CELF2: variants seen among roughly 807,000 people sequenced by gnomAD.
CELF2 encodes the protein CUGBP Elav-like family member 2.
A neutral mutation model predicts 62.6 loss-of-function variants in CELF2; 8 were observed. The observed-to-expected ratio is 0.13, with a 90% CI of 0.07 to 0.23. The LOEUF (loss-of-function observed/expected upper bound fraction) is 0.23. Among genes scored for constraint, CELF2 ranks in the 10% least tolerant of loss-of-function variants. CELF2 has a pLI of 1.00. For missense variants in CELF2, 333 were observed against 671.0 expected (o/e 0.50, Z 5.56); for synonymous variants, 258 against 250.0 (o/e 1.03, Z -0.30).
chr10:10,956,896 A>G (rs2048964785), intron 2 of CELF2, among the ~76,000 whole-genome samples: 1 of 151,940 alleles, frequency 6.6e-6, no homozygotes, highest in Admixed American at 6.6e-5. Flanking sequence ...ATTGCACCAC[A>G]GCACTCCAGC....
Position 11,209,175 on chromosome 10 carries a change from C to T in CELF2, c.272-8250C>T, listed in dbSNP as rs1208471043. ...TTCAGCATCAAACACAGGGGAGCCA[C>T]GATAATAAAATTACAGGCAGGAATA... On this transcript the variant is annotated intron_variant, in intron 2 of 12. Coordinates refer to ENST00000633077, the MANE Select transcript of CELF2 (RefSeq NM_001326342.2). Among the ~76,000 whole-genome samples, 8 of 152,006 alleles carry T rather than the reference C, an allele frequency of 5.3e-5. No individual in the cohort carries two copies. In the South Asian group the frequency reaches 6.2e-4, roughly 12 times the overall value.
chr10:11,028,718 CT>C (rs71378776), intron 1 of CELF2, among the ~76,000 whole-genome samples: 8,608 of 124,936 alleles, frequency 0.069, 275 homozygotes, highest in Middle Eastern at 0.15. Flanking sequence ...CGCACCCAGC[CT>C]TTTTTTTTTT....
intron 1 of CELF2, among the ~76,000 whole-genome samples, chr10:10,818,050 C>T (rs1045365569): frequency 3.0e-4 from 45 of 152,246 alleles, no homozygotes; most frequent in African/African-American, 1.1e-3. Context: ...CTGATGTTGC[C>T]GCTAATATCA....
Position 11,039,174 on chromosome 10 carries a change from C to T in CELF2, c.74+21011C>T, listed in dbSNP as rs1291158574. On this transcript the variant is annotated intron_variant, in intron 1 of 12. Coordinates refer to ENST00000633077, the MANE Select transcript of CELF2 (RefSeq NM_001326342.2). This position sits in a 1 kb window ranked among gnomAD's most constrained non-coding sequence, Gnocchi z 4.1. ...GCGTGGAGGACACTGAGAGCAGAAA[C>T]CGTGATGCAGTGAGCCTTCTGCCCA... Among the ~76,000 whole-genome samples, 1 of 152,192 alleles carries T rather than the reference C, an allele frequency of 6.6e-6. No individual in the cohort carries two copies. Among genetic ancestry groups the T allele is most frequent in the Non-Finnish European group, 1.5e-5 (1 of 68,042 alleles).
rs1406869729 is a variant in CELF2 at position 11,309,800 on chromosome 10, C to T, written c.977-4339C>T. Among the ~76,000 whole-genome samples, 3 of 152,214 alleles carry T rather than the reference C, an allele frequency of 2.0e-5. No individual in the cohort carries two copies. The highest frequency in any genetic ancestry group is 7.2e-5 in the African/African-American group (3 of 41,452). On this transcript the variant is annotated intron_variant, in intron 9 of 12. Coordinates refer to ENST00000633077, the MANE Select transcript of CELF2 (RefSeq NM_001326342.2). The surrounding 1 kb of genome is among the most constrained non-coding windows in gnomAD (Gnocchi z 5.6). ...GAGCTACTGCCTACTCTTAATTGCTCACCAACAAAATTTATCTTGTTTCTG... is the reference window on the plus strand; with the variant it reads ...GAGCTACTGCCTACTCTTAATTGCTTACCAACAAAATTTATCTTGTTTCTG...
At chr10:10,650,076 T>C in the CELF2 span, among the ~76,000 whole-genome samples, 6 of 152,332 alleles carry the variant, frequency 3.9e-5, no homozygotes, top group Admixed American at 1.3e-4. Context: ...GTTCAGACTA[T>C]TTGATGCTCC....
intron 2 of CELF2, among the ~76,000 whole-genome samples, chr10:11,208,028 G>A (rs1190586763): frequency 1.3e-5 from 2 of 152,148 alleles, no homozygotes; most frequent in African/African-American, 4.8e-5. Context: ...TGTTAGAGGT[G>A]GTTCAGGGAC....
chr10:10,946,085 G>T (rs950414629), intron 2 of CELF2: 2 of 152,686 alleles, frequency 1.3e-5, no homozygotes, highest in Admixed American at 1.3e-4. Context: ...AGAGGGTGGG[G>T]ATGGCATTCC....
intron 9 of CELF2, among the ~76,000 whole-genome samples, chr10:11,312,964 G>A (rs1037598746): frequency 7.9e-5 from 12 of 152,166 alleles, no homozygotes; most frequent in African/African-American, 2.9e-4. Flanking sequence ...AGAAAAAAAT[G>A]TAATATTAGC....
At chr10:10,662,353 AC>A in the CELF2 span, among the ~76,000 whole-genome samples, 181 of 152,330 alleles carry the variant, frequency 1.2e-3, 1 homozygote, top group African/African-American at 4.2e-3. Context: ...TTAAGATAAG[AC>A]TAAAATGTGC....
At chr10:10,872,654 C>A (rs1053847843) in intron 1 of CELF2, among the ~76,000 whole-genome samples, 2 of 143,032 alleles carry the variant, frequency 1.4e-5, no homozygotes, top group Non-Finnish European at 3.0e-5. Context: ...CCCACAGAAG[C>A]AAAACAACAA....
At position 11,079,963 on chromosome 10, in the gene CELF2, G is replaced by A. The variant is rs188575767; in HGVS notation, c.74+61800G>A. Among the ~76,000 whole-genome samples the A allele has an allele frequency of 1.1e-3, 160 of 152,196 alleles. 2 individuals carry two copies. Among genetic ancestry groups the A allele is most frequent in the South Asian group, 7.9e-3 (38 of 4,820 alleles). Reference sequence around the variant, plus strand: ...GCTGACCATTTTTACTACTTATAGCGCTAAGAAAAAAATGAAATGGAACCA... The same window carrying A: ...GCTGACCATTTTTACTACTTATAGCACTAAGAAAAAAATGAAATGGAACCA... On this transcript the variant is annotated intron_variant, in intron 1 of 12. Coordinates refer to ENST00000633077, the MANE Select transcript of CELF2 (RefSeq NM_001326342.2).
chr10:10,855,338 G>C (rs1013157433), intron 1 of CELF2, among the ~76,000 whole-genome samples: 5 of 152,202 alleles, frequency 3.3e-5, no homozygotes, highest in African/African-American at 1.2e-4. Flanking sequence ...TGACACTGCT[G>C]TCACCTAGGA....
chr10:11,082,561 C>G (rs2074296583), intron 1 of CELF2, among the ~76,000 whole-genome samples: 2 of 152,202 alleles, frequency 1.3e-5, no homozygotes, highest in African/African-American at 4.8e-5. Context: ...GTAAATCACT[C>G]CTCTTCTGTG....
At chr10:10,587,639 A>G in the CELF2 span, among the ~76,000 whole-genome samples, 1 of 152,178 alleles carries the variant, frequency 6.6e-6, no homozygotes, top group East Asian at 1.9e-4. Flanking sequence ...AATTGTAGAG[A>G]TCTATCTGTC....
chr10:11,058,955 T>C (rs1594292573), intron 1 of CELF2, among the ~76,000 whole-genome samples: 1 of 138,400 alleles, frequency 7.2e-6, no homozygotes, highest in East Asian at 1.9e-4. Flanking sequence ...TAATTTTTAA[T>C]TTTTTTGTTG....
intron 1 of CELF2, among the ~76,000 whole-genome samples, chr10:11,137,605 C>A (rs953664385): frequency 6.6e-6 from 1 of 152,170 alleles, no homozygotes; most frequent in African/African-American, 2.4e-5. Flanking sequence ...TAAGCACTTA[C>A]CCAAAGTCTG....
In CELF2 at chr10:11,277,814, T is replaced by TA. The variant is rs111524130; in HGVS notation, c.841+2695dup. On this transcript the variant is annotated intron_variant, in intron 8 of 12. Coordinates refer to ENST00000633077, the MANE Select transcript of CELF2 (RefSeq NM_001326342.2). The stretch of plus-strand genomic sequence containing the variant: ...ATTTATCCCAAACACCACCTGATGT[T>TA]ACAGTGCTTATTGAGTGATTGATAC... 2.2e-3 allele frequency among the ~76,000 whole-genome samples: 328 copies of TA among 152,356 alleles called. 2 individuals are homozygous for TA. Among genetic ancestry groups the TA allele is most frequent in the African/African-American group, 7.6e-3 (315 of 41,580 alleles).
intron 1 of CELF2, among the ~76,000 whole-genome samples, chr10:10,853,911 C>T (rs955494867): frequency 1.3e-5 from 2 of 152,096 alleles, no homozygotes; most frequent in Non-Finnish European, 2.9e-5. Flanking sequence ...AGCAAGACTT[C>T]GCATGTACGA....
Sources: gnomAD v4.1 joint callset for allele counts (sites outside exome capture counted in the v4.1 genomes callset) on GRCh38, gnomAD v4.1.1 for gene constraint, Gnocchi (gnomAD v3.1) non-coding constraint, MANE v1.5 for transcripts, NCBI Gene and HGNC (gene_info 2026-07-23, HGNC 2026-07-21) for gene names.